Variants in STRA8 observed in about 807,000 individuals in gnomAD.
STRA8 encodes the protein stimulated by retinoic acid gene 8 protein homolog.
A neutral mutation model predicts 37.1 loss-of-function variants in STRA8; 18 were observed. That is an observed-to-expected ratio of 0.48 (90% CI 0.34 to 0.72). The LOEUF (loss-of-function observed/expected upper bound fraction) is 0.72, where lower values mean the gene tolerates loss of function less well. Among genes scored for constraint, STRA8 ranks in the 30% least tolerant of loss-of-function variants. STRA8 has a pLI of 0.01. For missense variants in STRA8, 357 were observed against 410.4 expected, an observed-to-expected ratio of 0.87 and a Z score of 1.13; for synonymous variants, 168 against 162.9, an observed-to-expected ratio of 1.03 and a Z score of -0.24.
chr7:135,255,036 C>G (rs1330227457), intron 7 of STRA8, 78 bp from the exon 8 acceptor site: 1 of 1,191,972 alleles, frequency 8.4e-7, no homozygotes, highest in East Asian at 2.3e-5. Flanking sequence ...TAACCCAAAT[C>G]TTTCAGGGGA....
chr7:135,252,854 G>A (rs1487204571), intron 7 of STRA8, among the ~76,000 whole-genome samples: 1 of 152,090 alleles, frequency 6.6e-6, no homozygotes, highest in Non-Finnish European at 1.5e-5. Flanking sequence ...TCAGAGGCTC[G>A]GTTTTTCACA....
chr7:135,251,783 T>A lies in STRA8; in HGVS notation c.880-13T>A, dbSNP rs1277361272. 1 of 1,614,106 alleles carries A rather than the reference T, an allele frequency of 6.2e-7. No individual in the cohort carries two copies. Among genetic ancestry groups the A allele is most frequent in the Admixed American group, 1.7e-5 (1 of 60,028 alleles). On this transcript the variant is annotated splice_polypyrimidine_tract_variant and intron_variant, in intron 6 of 8. Coordinates refer to ENST00000662584, the MANE Select transcript of STRA8 (RefSeq NM_001394401.1). ...GTTATTTCCAACACATGAAGTGTTG[T>A]GCTTTCTTTCAGATCCTTTTTGAGG...
intron 1 of STRA8, among the ~76,000 whole-genome samples, chr7:135,234,633 G>A (rs1024644823): frequency 5.9e-5 from 9 of 152,134 alleles, no homozygotes; most frequent in Non-Finnish European, 8.8e-5. Context: ...TTTTTTAAAC[G>A]TCAGCTCTGA....
chr7:135,234,406 C>T (rs117266572), intron 1 of STRA8, among the ~76,000 whole-genome samples: 1 of 152,132 alleles, frequency 6.6e-6, no homozygotes, highest in East Asian at 1.9e-4. Flanking sequence ...CGGCACCCAG[C>T]CAATTCTGGA....
intron 8 of STRA8, among the ~76,000 whole-genome samples, chr7:135,257,541 T>C (rs1027450684): frequency 1.3e-5 from 2 of 152,074 alleles, no homozygotes; most frequent in Admixed American, 6.5e-5. Context: ...TCTCATGCCA[T>C]GGCCTCCCGA....
intron 3 of STRA8, 93 bp from the exon 4 acceptor site, chr7:135,243,233 C>A: frequency 7.4e-7 from 1 of 1,355,342 alleles, no homozygotes; most frequent in Non-Finnish European, 1.0e-6. Context: ...GTTCAGGGTC[C>A]CACCCACAGC....
intron 8 of STRA8, among the ~76,000 whole-genome samples, chr7:135,256,942 C>G (rs1832711280): frequency 6.6e-6 from 1 of 152,224 alleles, no homozygotes; most frequent in African/African-American, 2.4e-5. Context: ...GGCAGGAGGA[C>G]TCAGGCTTTG....
At chr7:135,252,015 T>TGTGC in intron 7 of STRA8, 146 bp downstream of exon 7, 3 of 450,272 alleles carry the variant, frequency 6.7e-6, no homozygotes, top group Non-Finnish European at 1.2e-5. Flanking sequence ...AGAGAGAGAG[T>TGTGC]GTGTGTGTGT....
rs1316839633 is a variant in STRA8, at chr7:135,234,115, T to C, written c.-7+212T>C. Among the ~76,000 whole-genome samples the C allele has an allele frequency of 3.3e-5, 5 of 150,994 alleles. No individual in the cohort carries two copies. The East Asian group carries it at 5.8e-4, about 18-fold the overall frequency. On this transcript the variant is annotated intron_variant, in intron 1 of 8. Coordinates refer to ENST00000662584, the MANE Select transcript of STRA8 (RefSeq NM_001394401.1). ...TGATGATGATGATGATTATTATTAT[T>C]ATCATTTTGAGACGGAGTTTCGCTC...
chr7:135,258,085 G>C (rs757827950), intron 8 of STRA8, among the ~76,000 whole-genome samples: 3 of 152,226 alleles, frequency 2.0e-5, no homozygotes, highest in African/African-American at 4.8e-5. Flanking sequence ...GTGGTGCAGT[G>C]CACCGTCTTC....
intron 7 of STRA8, 44 bp from the exon 8 acceptor site, chr7:135,255,070 A>C: frequency 6.9e-7 from 1 of 1,445,600 alleles, no homozygotes; most frequent in Non-Finnish European, 9.7e-7. Context: ...TTGAAAGATC[A>C]GGATCCTGAA....
chr7:135,254,756 G>C (rs1832681429), intron 7 of STRA8, among the ~76,000 whole-genome samples: 1 of 152,232 alleles, frequency 6.6e-6, no homozygotes, highest in Non-Finnish European at 1.5e-5. Flanking sequence ...CTGAACTCAA[G>C]ATGTGCGGCG....
At chr7:135,232,032 G>C, upstream of STRA8, 1 of 1,614,010 alleles carries the variant, frequency 6.2e-7, no homozygotes. Flanking sequence ...AAATCAGGCT[G>C]TGGCAGGTAA....
intron 2 of STRA8, among the ~76,000 whole-genome samples, chr7:135,242,022 C>T (rs1231282642): frequency 2.5e-5 from 3 of 120,664 alleles, no homozygotes; most frequent in African/African-American, 9.9e-5. Flanking sequence ...ATGTTACATA[C>T]AGGAAGTAAG....
chr7:135,240,848 T>A, intron 2 of STRA8, 132 bp downstream of exon 2: 1 of 938,026 alleles, frequency 1.1e-6, no homozygotes, highest in Non-Finnish European at 1.6e-6. Flanking sequence ...ACAAATGCCC[T>A]AGACAGGGTA....
chr7:135,249,973 C>T (rs545371824), intron 6 of STRA8, among the ~76,000 whole-genome samples: 442 of 152,312 alleles, frequency 2.9e-3, no homozygotes, highest in Middle Eastern at 6.8e-3. Flanking sequence ...TTAGGCCAGG[C>T]CAGGGCTGGG....
chr7:135,240,782 G>A (rs1832453013), intron 2 of STRA8, 66 bp downstream of exon 2: 2 of 1,566,878 alleles, frequency 1.3e-6, no homozygotes, highest in Non-Finnish European at 8.7e-7. Flanking sequence ...ACAGGTGGAG[G>A]GACTGTGTTG....
At position 135,255,210 on chromosome 7, in the gene STRA8, C is replaced by T; in HGVS notation, c.1050C>T (p.Asn350=). ...TTTTTAAAGGCCTTAGCTGTGCAAA[C>T]ACTCAAGTAAAGCAGGTAGGATGGA... The part of the protein sequence containing the change: ...INFFKGLSCA[N]TQVKQEASFP... The change falls in exon 8 of 9, where the codon AAC becomes AAT. Residue 350 remains asparagine (N), a synonymous_variant. Transcript: ENST00000662584. 1 of 1,613,528 alleles carries T rather than the reference C, an allele frequency of 6.2e-7. No homozygotes were observed. The highest frequency in any genetic ancestry group is 8.5e-7 in the Non-Finnish European group (1 of 1,179,510).
chr7:135,248,222 C>T (rs1355918183), intron 6 of STRA8, among the ~76,000 whole-genome samples: 1 of 152,232 alleles, frequency 6.6e-6, no homozygotes, highest in Non-Finnish European at 1.5e-5. Flanking sequence ...CATTCCTGTC[C>T]TTCCAGTTTG....
Sources: allele counts gnomAD v4.1 joint callset (sites outside exome capture counted in the v4.1 genomes callset), GRCh38; gene constraint gnomAD v4.1.1; transcripts MANE v1.5; gene names NCBI Gene and HGNC (gene_info 2026-07-23, HGNC 2026-07-21).